Variants in SPEF2 observed in about 807,000 individuals in gnomAD.
The protein encoded by SPEF2 is sperm flagellar and cilia associated 2, also known as sperm flagella and cilia-associated protein 2.
Under a neutral mutation model 224.6 loss-of-function variants are expected in SPEF2, and 187 were observed. The ratio of observed to expected loss-of-function variants is 0.83; its 90% CI spans 0.74 to 0.94. The LOEUF is 0.94. Among genes scored for constraint, SPEF2 ranks in the 40% least tolerant of loss-of-function variants. The probability of loss-of-function intolerance (pLI) is 0.00; values close to 1 mark genes in which losing one functional copy is unlikely to be tolerated. For missense variants in SPEF2, 2,170 were observed against 2,135.6 expected, an observed-to-expected ratio of 1.02 and a Z score of -0.32; for synonymous variants, 715 against 707.3, an observed-to-expected ratio of 1.01 and a Z score of -0.17.
intron 10 of SPEF2, among the ~76,000 whole-genome samples, chr5:35,687,285 T>G (rs1444025456): frequency 6.6e-6 from 1 of 152,220 alleles, no homozygotes; most frequent in East Asian, 1.9e-4. Context: ...TAATTAGATC[T>G]GTTTCTGGAA....
At chr5:35,655,538 A>G (rs2149440255) in intron 7 of SPEF2, among the ~76,000 whole-genome samples, 1 of 152,288 alleles carries the variant, frequency 6.6e-6, no homozygotes, top group Non-Finnish European at 1.5e-5. Context: ...AGAGAAGTCC[A>G]CCTGGCTTGC....
rs73082282 is a variant in SPEF2, at chr5:35,690,926, C to G, written c.1525-111C>G. ...CTTTTTATAATATAATTAAAGTATTCATTGGCTTTTGTTGGCTATAATTTG... is the reference window on the plus strand; with the variant it reads ...CTTTTTATAATATAATTAAAGTATTGATTGGCTTTTGTTGGCTATAATTTG... On this transcript the variant is annotated intron_variant, in intron 10 of 36. Transcript: ENST00000356031. 0.031 allele frequency: 22,269 copies of G among 709,078 alleles called. 600 individuals are homozygous for G. Among genetic ancestry groups the G allele is most frequent in the Middle Eastern group, 0.089 (225 of 2,532 alleles). 43.9% of individuals were successfully genotyped at this position (709,078 alleles called of 1,614,324 possible).
In SPEF2 at chr5:35,618,066, A is replaced by G; in HGVS notation, c.58+11A>G. The G allele has an allele frequency of 6.3e-7, 1 of 1,578,286 alleles. No individual in the cohort carries two copies. The highest frequency in any genetic ancestry group is 8.6e-7 in the Non-Finnish European group (1 of 1,159,334). On this transcript the variant is annotated intron_variant, in intron 1 of 36. Coordinates refer to ENST00000356031, the MANE Select transcript of SPEF2 (RefSeq NM_024867.4). ...TGTCCCGGACCGTGAGTGAGTGACC[A>G]CGGCCAGGGGCGAGCGTCTGAGGGG...
rs149223181 is a variant in SPEF2, at chr5:35,742,873, T to C, written c.3330+2606T>C. ...ATATTGATAAATAAGGAAATTTCCT[T>C]TATAGCTTTTTTTGTGATCAATTAA... On this transcript the variant is annotated intron_variant, in intron 23 of 36. Coordinates refer to ENST00000356031, the MANE Select transcript of SPEF2 (RefSeq NM_024867.4). 5.3e-5 allele frequency among the ~76,000 whole-genome samples: 8 copies of C among 152,040 alleles called. No individual in the cohort carries two copies. The East Asian group carries it at 1.5e-3, about 29-fold the overall frequency.
At chr5:35,654,135 C>G (rs1456295418) in intron 6 of SPEF2, among the ~76,000 whole-genome samples, 2 of 151,600 alleles carry the variant, frequency 1.3e-5, no homozygotes, top group African/African-American at 4.9e-5. Flanking sequence ...TGGCACATGC[C>G]TGTAATCCCA....
chr5:35,655,611 A>G (rs2149440386), intron 7 of SPEF2, among the ~76,000 whole-genome samples: 1 of 152,292 alleles, frequency 6.6e-6, no homozygotes, highest in South Asian at 2.1e-4. Context: ...GAGTTAGCTA[A>G]TTGAAGGTGG....
intron 25 of SPEF2, among the ~76,000 whole-genome samples, chr5:35,761,318 G>A (rs951878538): frequency 6.6e-6 from 1 of 152,182 alleles, no homozygotes; most frequent in African/African-American, 2.4e-5. Flanking sequence ...AAGGAGGGTT[G>A]TTGTGAAGAT....
intron 26 of SPEF2, among the ~76,000 whole-genome samples, chr5:35,768,031 G>GGTT (rs1250742801): frequency 5.9e-5 from 9 of 151,782 alleles, no homozygotes; most frequent in Admixed American, 6.6e-5. Context: ...GTATCTAGGT[G>GGTT]GTTGTTGTTA....
Position 35,793,174 on chromosome 5 carries a change from T to A in SPEF2, c.4570T>A (p.Ser1524Thr). 1 of 1,613,930 alleles carries A rather than the reference T, an allele frequency of 6.2e-7. No homozygotes were observed. The highest frequency in any genetic ancestry group is 8.5e-7 in the Non-Finnish European group (1 of 1,179,926). ...LTQPELQELTSLLTVNSEFVD... is the reference protein window; with the variant it reads ...LTQPELQELTTLLTVNSEFVD... ...TTTCTTCTAGTTACAGGAATTAACA[T>A]CTTTATTAACAGTCAACTCCGAGTT... is the stretch of plus-strand genomic sequence containing the variant. Residue 1524 changes from serine to threonine, a missense_variant, in exon 32 of 37, where the codon TCT becomes ACT. Coordinates refer to ENST00000356031, the MANE Select transcript of SPEF2 (RefSeq NM_024867.4).
intron 10 of SPEF2, among the ~76,000 whole-genome samples, chr5:35,684,560 G>T (rs181016204): frequency 1.3e-5 from 2 of 152,252 alleles, no homozygotes; most frequent in African/African-American, 2.4e-5. Context: ...TGGATGTGGC[G>T]CTCTTACATG....
intron 24 of SPEF2, among the ~76,000 whole-genome samples, chr5:35,756,643 G>T (rs935673038): frequency 2.0e-5 from 3 of 152,174 alleles, no homozygotes; most frequent in Non-Finnish European, 2.9e-5. Context: ...TCAAGAATCT[G>T]TGGTGTTGGG....
chr5:35,782,574 T>C (rs963776278), intron 30 of SPEF2, among the ~76,000 whole-genome samples: 3 of 152,176 alleles, frequency 2.0e-5, no homozygotes, highest in Non-Finnish European at 4.4e-5. Flanking sequence ...CTTTGCATGT[T>C]TTAATCATGC....
At chr5:35,794,217 G>T (rs1756355746) in intron 32 of SPEF2, among the ~76,000 whole-genome samples, 1 of 152,216 alleles carries the variant, frequency 6.6e-6, no homozygotes, top group Non-Finnish European at 1.5e-5. Flanking sequence ...TTACTTACTT[G>T]ATTAATGTCA....
rs745647452 is a variant in SPEF2, at chr5:35,739,985, A to G, written c.3130A>G (p.Thr1044Ala). 1.2e-6 allele frequency: 2 copies of G among 1,614,134 alleles called. No homozygotes were observed. The highest frequency in any genetic ancestry group is 1.7e-6 in the Non-Finnish European group (2 of 1,180,004). The change falls in exon 22 of 37, where the codon ACA becomes GCA. Residue 1044 changes from threonine to alanine, a missense_variant. By Grantham distance (58) the Thr-to-Ala change is moderately conservative. Transcript: ENST00000356031. ...AAATTCCTATATAAACACCATCAAAACAGTACTCAGGCATCTGAGGGAAGA... is the reference window on the plus strand; with the variant it reads ...AAATTCCTATATAAACACCATCAAAGCAGTACTCAGGCATCTGAGGGAAGA... ...IENSYINTIK[T>A]VLRHLREDQH...
At chr5:35,752,341 T>C (rs1197790211) in intron 23 of SPEF2, among the ~76,000 whole-genome samples, 3 of 152,154 alleles carry the variant, frequency 2.0e-5, no homozygotes, top group Admixed American at 6.5e-5. Context: ...CAGGCTGAGG[T>C]GCAGTGGTGA....
rs75092150 is a variant in SPEF2, at chr5:35,618,171, G to A, written c.58+116G>A. On this transcript the variant is annotated intron_variant, in intron 1 of 36. Coordinates refer to ENST00000356031, the MANE Select transcript of SPEF2 (RefSeq NM_024867.4). ...GCAGGGCGCGAGCTGCACAGGTGGG[G>A]CACCTGCGTAGCCGGCAGCATCCCA... 8,870 of 1,122,748 alleles carry A rather than the reference G, an allele frequency of 7.9e-3. 62 individuals are homozygous for A. Among genetic ancestry groups the A allele is most frequent in the Non-Finnish European group, 8.1e-3 (6,154 of 763,886 alleles). The allele number at this position is 1,122,748 out of a possible 1,614,324, so 69.5% of individuals were successfully genotyped here. A position where few individuals can be genotyped will look rare whatever the true frequency, so the allele number is the denominator to read the frequency against.
At chr5:35,636,010 C>G (rs1195290018) in intron 2 of SPEF2, among the ~76,000 whole-genome samples, 1 of 151,872 alleles carries the variant, frequency 6.6e-6, no homozygotes, top group Non-Finnish European at 1.5e-5. Context: ...CTTTGGGTGT[C>G]TCATAATTTT....
intron 29 of SPEF2, among the ~76,000 whole-genome samples, chr5:35,778,406 T>A (rs1035349920): frequency 6.6e-6 from 1 of 152,194 alleles, no homozygotes; most frequent in Non-Finnish European, 1.5e-5. Flanking sequence ...ACAAGGAAAT[T>A]CAGAGAGCCC....
intron 12 of SPEF2, among the ~76,000 whole-genome samples, chr5:35,693,327 T>G (rs1414248009): frequency 6.6e-6 from 1 of 152,106 alleles, no homozygotes; most frequent in Non-Finnish European, 1.5e-5. Context: ...CTCACAGTGG[T>G]CGGCTGCTTA....
Sources: allele counts gnomAD v4.1 joint callset (sites outside exome capture counted in the v4.1 genomes callset), GRCh38; gene constraint gnomAD v4.1.1; transcripts MANE v1.5; gene names NCBI Gene and HGNC (gene_info 2026-07-23, HGNC 2026-07-21).